Variants in CCDC91 observed in about 807,000 individuals in gnomAD.
CCDC91 encodes the protein coiled-coil domain-containing protein 91.
A neutral mutation model predicts 63.2 loss-of-function variants in CCDC91; 48 were observed. That is an observed-to-expected ratio of 0.76 (90% CI 0.60 to 0.97). CCDC91 has a LOEUF of 0.97. Ranked by LOEUF, CCDC91 falls within the 50% of genes least tolerant of loss-of-function variation. CCDC91 has a pLI of 0.00. For synonymous variants in CCDC91, 167 were observed against 165.8 expected, an observed-to-expected ratio of 1.01 and a Z score of -0.06; for missense variants, 500 against 494.6, an observed-to-expected ratio of 1.01 and a Z score of -0.10.
At position 28,321,170 on chromosome 12, in the gene CCDC91, GCT is replaced by G. The variant is rs902831703; in HGVS notation, c.576+13426_576+13427del. 8.6e-4 allele frequency among the ~76,000 whole-genome samples: 130 copies of G among 151,726 alleles called. 1 individual carries two copies. Among genetic ancestry groups the G allele is most frequent in the African/African-American group, 2.8e-3 (117 of 41,418 alleles). On this transcript the variant is annotated intron_variant, in intron 6 of 12. Transcript: ENST00000536442. Reference sequence around the variant, plus strand: ...ATTGCTACTTCATCTTTATTATTTAGCTCTCTATTTGAAAGCCACTTGCTGAG... The same window carrying G: ...ATTGCTACTTCATCTTTATTATTTAGCTCTATTTGAAAGCCACTTGCTGAG...
rs186859266 is a variant in CCDC91, at chr12:28,410,519, T to G, written c.762+19108T>G. ...TGTGTGTATGTGTTTTTTGTTTGTTTGTTTGTTTGTTTGTTTTTTTGAGAC... is the reference window on the plus strand; with the variant it reads ...TGTGTGTATGTGTTTTTTGTTTGTTGGTTTGTTTGTTTGTTTTTTTGAGAC... On this transcript the variant is annotated intron_variant, in intron 8 of 12. Coordinates refer to ENST00000536442, the MANE Select transcript of CCDC91 (RefSeq NM_018318.5). 1.9e-3 allele frequency among the ~76,000 whole-genome samples: 283 copies of G among 152,216 alleles called. 1 individual carries two copies. Among genetic ancestry groups the G allele is most frequent in the Admixed American group, 4.4e-3 (67 of 15,262 alleles).
At chr12:28,372,553 C>T (rs1944686199) in intron 7 of CCDC91, among the ~76,000 whole-genome samples, 1 of 151,618 alleles carries the variant, frequency 6.6e-6, no homozygotes, top group Admixed American at 6.6e-5. Context: ...GATCTTTCAC[C>T]TACTTGGTTA....
rs892981509 is a variant in CCDC91 at position 28,528,412 on chromosome 12, G to A, written c.1216-20651G>A. Reference sequence around the variant, plus strand: ...TAGAGCTTCAGGTTCCCCAGTGTGGGGGTGTATTCTGGGGCAGACGATCTC... The same window carrying A: ...TAGAGCTTCAGGTTCCCCAGTGTGGAGGTGTATTCTGGGGCAGACGATCTC... On this transcript the variant is annotated intron_variant, in intron 12 of 12. Coordinates refer to ENST00000536442, the MANE Select transcript of CCDC91 (RefSeq NM_018318.5). Among the ~76,000 whole-genome samples, 141 of 152,300 alleles carry A rather than the reference G, an allele frequency of 9.3e-4. 1 individual carries two copies. The highest frequency in any genetic ancestry group is 3.2e-3 in the African/African-American group (134 of 41,568).
chr12:28,195,313 T>C (rs1328600786), intron 1 of CCDC91, among the ~76,000 whole-genome samples: 1 of 152,206 alleles, frequency 6.6e-6, no homozygotes, highest in Non-Finnish European at 1.5e-5. Flanking sequence ...CACAGAGTGC[T>C]GATTGGTGCG....
At chr12:28,226,498 A>T (rs377460201) in intron 1 of CCDC91, among the ~76,000 whole-genome samples, 4 of 152,316 alleles carry the variant, frequency 2.6e-5, no homozygotes, top group South Asian at 4.1e-4. Flanking sequence ...TATCTCTTGA[A>T]TAGTAATGGT....
At chr12:28,510,790 A>G (rs576122378) in intron 12 of CCDC91, among the ~76,000 whole-genome samples, 2 of 152,018 alleles carry the variant, frequency 1.3e-5, no homozygotes, top group South Asian at 4.1e-4. Flanking sequence ...GAGCTATGAG[A>G]TAATTTTTTT....
At chr12:28,353,785 A>AAT (rs1407143530) in intron 6 of CCDC91, among the ~76,000 whole-genome samples, 8 of 152,298 alleles carry the variant, frequency 5.3e-5, no homozygotes, top group East Asian at 1.9e-4. Context: ...AAAATTTTGA[A>AAT]ATATTGTTAC....
rs975937929 is a variant in CCDC91 at position 28,535,359 on chromosome 12, T to G, written c.1216-13704T>G. Among the ~76,000 whole-genome samples the G allele has an allele frequency of 3.3e-5, 5 of 152,216 alleles. 1 individual carries two copies. The highest frequency in any genetic ancestry group is 1.2e-4 in the African/African-American group (5 of 41,458). Reference sequence around the variant, plus strand: ...TGTCTATATGATAATAGTCTGCATTTGACCACAGATTATTTTTATTACTTG... The same window carrying G: ...TGTCTATATGATAATAGTCTGCATTGGACCACAGATTATTTTTATTACTTG... On this transcript the variant is annotated intron_variant, in intron 12 of 12. Transcript: ENST00000536442.
intron 7 of CCDC91, among the ~76,000 whole-genome samples, chr12:28,375,418 G>A (rs992152143): frequency 6.6e-6 from 1 of 151,736 alleles, no homozygotes; most frequent in African/African-American, 2.4e-5. Context: ...ATCCACTTCG[G>A]AATAAAAGAT....
intron 12 of CCDC91, among the ~76,000 whole-genome samples, chr12:28,526,835 GTTAA>G (rs1024629223): frequency 6.6e-5 from 10 of 151,736 alleles, no homozygotes; most frequent in Admixed American, 2.6e-4. Context: ...GTTGGATTGG[GTTAA>G]TTTGAAAACT....
At chr12:28,382,270 A>G (rs1244388463) in intron 7 of CCDC91, among the ~76,000 whole-genome samples, 1 of 151,558 alleles carries the variant, frequency 6.6e-6, no homozygotes, top group Admixed American at 6.6e-5. Flanking sequence ...AATTGGGAGG[A>G]AAATACTAAT....
chr12:28,387,026 A>G (rs537590198), intron 7 of CCDC91, among the ~76,000 whole-genome samples: 51 of 152,272 alleles, frequency 3.3e-4, no homozygotes, highest in Admixed American at 1.2e-3. Flanking sequence ...ACAATCAGCA[A>G]ATGTTAAGAT....
intron 11 of CCDC91, among the ~76,000 whole-genome samples, chr12:28,467,891 A>G (rs1271312987): frequency 6.6e-6 from 1 of 151,920 alleles, no homozygotes; most frequent in Non-Finnish European, 1.5e-5. Flanking sequence ...TTCAGAAGGA[A>G]ATTGAAGCAT....
At chr12:28,272,946 G>A (rs955088099) in intron 3 of CCDC91, among the ~76,000 whole-genome samples, 32 of 151,828 alleles carry the variant, frequency 2.1e-4, no homozygotes, top group Admixed American at 5.2e-4. Context: ...CCAGTAACTC[G>A]TCATTTAACA....
At chr12:28,461,760 C>T (rs1950321179) in intron 11 of CCDC91, among the ~76,000 whole-genome samples, 1 of 152,038 alleles carries the variant, frequency 6.6e-6, no homozygotes, top group Non-Finnish European at 1.5e-5. Flanking sequence ...TGTTGGGTCA[C>T]AGAATCTTCA....
At chr12:28,427,072 C>T (rs983035775) in intron 8 of CCDC91, among the ~76,000 whole-genome samples, 4 of 152,116 alleles carry the variant, frequency 2.6e-5, no homozygotes, top group African/African-American at 7.2e-5. Flanking sequence ...ACTTACAGCT[C>T]TTTCAGCTAT....
At chr12:28,344,918 A>G (rs1942700435) in intron 6 of CCDC91, among the ~76,000 whole-genome samples, 1 of 152,096 alleles carries the variant, frequency 6.6e-6, no homozygotes, top group African/African-American at 2.4e-5. Context: ...TGGTATTATT[A>G]TTTCCTCTCA....
At position 28,524,427 on chromosome 12, in the gene CCDC91, A is replaced by G. The variant is rs111640993; in HGVS notation, c.1216-24636A>G. 1.4e-3 allele frequency among the ~76,000 whole-genome samples: 218 copies of G among 152,244 alleles called. 1 individual carries two copies. The highest frequency in any genetic ancestry group is 5.0e-3 in the African/African-American group (207 of 41,564). The stretch of plus-strand genomic sequence containing the variant: ...TTTATTGACTTGCATATGTTAAACT[A>G]TCCCTGCATCCCTGGTATTAAACCC... On this transcript the variant is annotated intron_variant, in intron 12 of 12. Coordinates refer to ENST00000536442, the MANE Select transcript of CCDC91 (RefSeq NM_018318.5).
chr12:28,267,950 T>A (rs929475002), intron 3 of CCDC91, among the ~76,000 whole-genome samples: 8 of 100,298 alleles, frequency 8.0e-5, no homozygotes, highest in Admixed American at 6.2e-4. Context: ...ATATAATTAT[T>A]ATATATAATT....
Sources: gnomAD v4.1 joint callset for allele counts (sites outside exome capture counted in the v4.1 genomes callset) on GRCh38, gnomAD v4.1.1 for gene constraint, MANE v1.5 for transcripts, NCBI Gene and HGNC (gene_info 2026-07-23, HGNC 2026-07-21) for gene names.